ZNFX1: variants seen among roughly 807,000 people sequenced by gnomAD.
The protein encoded by ZNFX1 is zinc finger NFX1-type containing 1.
A neutral mutation model predicts 179.8 loss-of-function variants in ZNFX1; 78 were observed. The observed-to-expected ratio is 0.43, with a 90% CI of 0.36 to 0.52. ZNFX1 has a LOEUF of 0.52. Among genes scored for constraint, ZNFX1 ranks in the 20% least tolerant of loss-of-function variants. The pLI, the probability that ZNFX1 is intolerant of heterozygous loss-of-function variation, is 0.00. For missense variants in ZNFX1, 1,927 were observed against 2,386.6 expected, an observed-to-expected ratio of 0.81 and a Z score of 4.01; for synonymous variants, 848 against 868.5, an observed-to-expected ratio of 0.98 and a Z score of 0.42.
In ZNFX1 at chr20:49,247,503, A is replaced by T. The variant is rs374612254; in HGVS notation, c.5521T>A (p.Tyr1841Asn). 8 of 1,614,066 alleles carry T rather than the reference A, an allele frequency of 5.0e-6. No homozygotes were observed. The highest frequency in any genetic ancestry group is 1.3e-5 in the African/African-American group (1 of 74,922). Residue 1841 changes from tyrosine to asparagine, a missense_variant, in exon 14 of 14, where the codon TAT becomes AAT. Physicochemically the swap from Tyr to Asn is moderately radical, Grantham distance 143. Coordinates refer to ENST00000396105, the MANE Select transcript of ZNFX1 (RefSeq NM_021035.3). Reference protein sequence around the residue: ...ERVQIVSAIGYPRGHWFKCRN... With the variant: ...ERVQIVSAIGNPRGHWFKCRN... ...CACTTGAACCAGTGACCACGAGGAT[A>T]ACCTATGGCACTGACAATCTGCACT...
In ZNFX1 at chr20:49,266,356, T is replaced by C. The variant is rs238178; in HGVS notation, c.1871-90A>G. The C allele has an allele frequency of 3.7e-5, 46 of 1,233,548 alleles. No individual in the cohort carries two copies. The African/African-American group carries it at 5.4e-4, about 14-fold the overall frequency. The allele number at this position is 1,233,548 out of a possible 1,614,324, so 76.4% of individuals were successfully genotyped here. A position where few individuals can be genotyped will look rare whatever the true frequency, so the allele number is the denominator to read the frequency against. The stretch of plus-strand genomic sequence containing the variant: ...GCAAAATCTTTTTTTAAATTTAATA[T>C]AATACATTAAGATAGTTTAAAATCT... On this transcript the variant is annotated intron_variant, in intron 3 of 13. Coordinates refer to ENST00000396105, the MANE Select transcript of ZNFX1 (RefSeq NM_021035.3).
At position 49,245,962 on chromosome 20, in the gene ZNFX1, G is replaced by A. The variant is rs1980660149; in HGVS notation, c.*1305C>T. The A allele has an allele frequency of 6.6e-6, 1 of 152,584 alleles. No homozygotes were observed. The highest frequency in any genetic ancestry group is 6.6e-5 in the Admixed American group (1 of 15,262). The allele number at this position is 152,584 out of a possible 1,614,324, so 9.5% of individuals were successfully genotyped here. A position where few individuals can be genotyped will look rare whatever the true frequency, so the allele number is the denominator to read the frequency against. On this transcript the variant is annotated 3_prime_UTR_variant, in exon 14 of 14. Transcript: ENST00000396105. ...AAAGTGCATAGTAAAGACAAAAAAA[G>A]GAAATGCATACATAGGAAAGGGACA...
At chr20:49,268,915 C>T (rs1335291348) in intron 3 of ZNFX1, among the ~76,000 whole-genome samples, 1 of 152,180 alleles carries the variant, frequency 6.6e-6, no homozygotes, top group Non-Finnish European at 1.5e-5. Context: ...TGGGAATGTA[C>T]ATTAGTTCAG....
In ZNFX1 at chr20:49,252,814, T is replaced by C. The variant is rs1263547393; in HGVS notation, c.3122A>G (p.Asn1041Ser). 5 of 1,614,090 alleles carry C rather than the reference T, an allele frequency of 3.1e-6. No individual in the cohort carries two copies. Among genetic ancestry groups the C allele is most frequent in the East Asian group, 2.2e-5 (1 of 44,886 alleles). ...GAAGTTCTTGGCCAGATCATACACG[T>C]TGGCACTGGGGCGCAGCTGAGAAGA... is the stretch of plus-strand genomic sequence containing the variant. ...GDHQQLRPSA[N>S]VYDLAKNFNL... Residue 1041 changes from asparagine (N) to serine (S), a missense_variant, in exon 12 of 14, where the codon AAC becomes AGC. Physicochemically the swap from Asn to Ser is conservative, Grantham distance 46. Coordinates refer to ENST00000396105, the MANE Select transcript of ZNFX1 (RefSeq NM_021035.3).
chr20:49,276,322 C>T (rs543679125), intron 1 of ZNFX1, among the ~76,000 whole-genome samples: 1 of 152,308 alleles, frequency 6.6e-6, no homozygotes, highest in East Asian at 1.9e-4. Context: ...CCTTATCTGG[C>T]ATTTACATAT....
At chr20:49,252,091 C>G (rs1980853126) in intron 12 of ZNFX1, among the ~76,000 whole-genome samples, 1 of 151,854 alleles carries the variant, frequency 6.6e-6, no homozygotes, top group South Asian at 2.1e-4. Context: ...CCTTGGCCTC[C>G]CAAAGTGCTA....
chr20:49,266,305 TTTTCTAAATAAAG>T, intron 3 of ZNFX1, 39 bp from the exon 4 acceptor site: 1 of 1,552,928 alleles, frequency 6.4e-7, no homozygotes, highest in Non-Finnish European at 8.7e-7. Flanking sequence ...AATTTAGACA[TTTTCTAAATAAAG>T]TAATTACTCA....
chr20:49,249,300 G>A lies in ZNFX1; in HGVS notation c.3724C>T (p.Leu1242=). 6.2e-7 allele frequency: 1 copy of A among 1,614,246 alleles called. No homozygotes were observed. The highest frequency in any genetic ancestry group is 8.5e-7 in the Non-Finnish European group (1 of 1,180,046). ...AGTGTATGAATGATCTTGCTCCACA[G>A]GGGCACCTTGGCCAGCATCTGCATG... The part of the protein sequence containing the change: ...GNMQMLAKVP[L]WSKIIHTLRE... Residue 1242 remains leucine, a synonymous_variant, in exon 14 of 14, where the codon CTG becomes TTG. Coordinates refer to ENST00000396105, the MANE Select transcript of ZNFX1 (RefSeq NM_021035.3).
At position 49,248,337 on chromosome 20, in the gene ZNFX1, G is replaced by A. The variant is rs1323290606; in HGVS notation, c.4687C>T (p.Arg1563Trp). 5 of 1,614,042 alleles carry A rather than the reference G, an allele frequency of 3.1e-6. No individual in the cohort carries two copies. The highest frequency in any genetic ancestry group is 4.2e-6 in the Non-Finnish European group (5 of 1,179,952). ...LCGEPCPKKC[R>W]ICHMDEVTQI... ...GTGACCTCATCCATGTGGCAGATCC[G>A]GCATTTCTTGGGGCATGGCTCCCCA... The change falls in exon 14 of 14, where the codon CGG (arginine) becomes TGG (tryptophan). Residue 1563 changes from arginine to tryptophan, a missense_variant. Arg to Trp is a moderately radical substitution (Grantham distance 101). Transcript: ENST00000396105. This position sits in a 1 kb window ranked among gnomAD's most constrained non-coding sequence, Gnocchi z 4.6.
chr20:49,249,346 C>G lies in ZNFX1; in HGVS notation c.3678G>C (p.Lys1226Asn). 1 of 1,614,234 alleles carries G rather than the reference C, an allele frequency of 6.2e-7. No individual in the cohort carries two copies. Among genetic ancestry groups the G allele is most frequent in the Non-Finnish European group, 8.5e-7 (1 of 1,180,044 alleles). ...GCATGTTTCCGATGCAGTACATTCC[C>G]TTCTTGGCTCGGGACAAGGCCACAC... ...RICVALSRAKKGMYCIGNMQM... is the reference protein window; with the variant it reads ...RICVALSRAKNGMYCIGNMQM... Residue 1226 changes from lysine to asparagine, a missense_variant, in exon 14 of 14, where the codon AAG (lysine) becomes AAC (asparagine). By Grantham distance (94) the Lys-to-Asn change is moderately conservative (BLOSUM62 0). Transcript: ENST00000396105.
At chr20:49,269,866 A>T in intron 3 of ZNFX1, 76 bp downstream of exon 3, 1 of 1,464,158 alleles carries the variant, frequency 6.8e-7, no homozygotes, top group Non-Finnish European at 9.2e-7. Flanking sequence ...GACATTCTAG[A>T]AACCTAGAGT....
At chr20:49,267,884 T>TG (rs951361882) in intron 3 of ZNFX1, among the ~76,000 whole-genome samples, 2 of 151,760 alleles carry the variant, frequency 1.3e-5, no homozygotes, top group South Asian at 2.1e-4. Flanking sequence ...AGTTTTGTTT[T>TG]TTTTTTTGAG....
rs772397289 is a variant in ZNFX1 at position 49,271,127 on chromosome 20, T to TCAC, written c.684_685insGTG (p.Met228_Ile229insVal). ...CGGATGTCAGGGATGGGTTCAGTGA[T>TCAC]CATCCCTACCACATAAGCAGGCAGG... On this transcript the variant is annotated inframe_insertion, in exon 3 of 14. Transcript: ENST00000396105. The TCAC allele has an allele frequency of 6.2e-7, 1 of 1,614,156 alleles. No individual in the cohort carries two copies. The highest frequency in any genetic ancestry group is 8.5e-7 in the Non-Finnish European group (1 of 1,180,020).
chr20:49,250,989 G>A (rs1343535995), intron 13 of ZNFX1, among the ~76,000 whole-genome samples: 1 of 152,186 alleles, frequency 6.6e-6, no homozygotes, highest in Non-Finnish European at 1.5e-5. Flanking sequence ...GATTACAGGC[G>A]TAAGCCACCG....
chr20:49,247,313 G>T lies in ZNFX1; in HGVS notation c.5711C>A (p.Thr1904Lys). Residue 1904 changes from threonine (T) to lysine (K), a missense_variant, in exon 14 of 14, where the codon ACG becomes AAG. Physicochemically the swap from Thr to Lys is moderately conservative, Grantham distance 78. Coordinates refer to ENST00000396105, the MANE Select transcript of ZNFX1 (RefSeq NM_021035.3). Reference protein sequence around the residue: ...DGAQHAAWSDTANNLMNFEEI... With the variant: ...DGAQHAAWSDKANNLMNFEEI... ...CTCAAAGTTCATCAGGTTGTTGGCC[G>T]TGTCAGACCAGGCAGCATGCTGGGC... is the stretch of plus-strand genomic sequence containing the variant. The T allele has an allele frequency of 6.2e-7, 1 of 1,613,790 alleles. No individual in the cohort carries two copies. Among genetic ancestry groups the T allele is most frequent in the Non-Finnish European group, 8.5e-7 (1 of 1,179,802 alleles).
At position 49,248,972 on chromosome 20, in the gene ZNFX1, G is replaced by A. The variant is rs238209; in HGVS notation, c.4052C>T (p.Thr1351Ile). Residue 1351 changes from threonine (T) to isoleucine (I), a missense_variant, in exon 14 of 14, where the codon ACC becomes ATC. Coordinates refer to ENST00000396105, the MANE Select transcript of ZNFX1 (RefSeq NM_021035.3). This position sits in a 1 kb window ranked among gnomAD's most constrained non-coding sequence, Gnocchi z 4.6. The stretch of plus-strand genomic sequence containing the variant: ...TTGTTCATGGCCGCACCGAGGAATG[G>A]TTTTGGGCACCTTCACCTGACAAGG... ...CQPCQVKVPKTIPRCGHEQMV... is the reference protein window; with the variant it reads ...CQPCQVKVPKIIPRCGHEQMV... The A allele has an allele frequency of 0.74, 1,199,132 of 1,614,086 alleles. 450,520 individuals are homozygous for A. The highest frequency in any genetic ancestry group is 0.77 in the Non-Finnish European group (914,443 of 1,180,026).
At chr20:49,260,355 G>T in intron 7 of ZNFX1, 108 bp downstream of exon 7, 6 of 538,960 alleles carry the variant, frequency 1.1e-5, no homozygotes, top group Admixed American at 4.0e-5. Context: ...TTCTCTGATT[G>T]ACTCATAGCT....
intron 8 of ZNFX1, 33 bp from the exon 9 acceptor site, chr20:49,255,980 T>C (rs1420685811): frequency 1.2e-6 from 2 of 1,608,550 alleles, no homozygotes; most frequent in Non-Finnish European, 1.7e-6. Flanking sequence ...GGGTACTGTC[T>C]GAGCAGAGGC....
intron 6 of ZNFX1, among the ~76,000 whole-genome samples, chr20:49,261,500 G>T (rs1981109993): frequency 6.6e-6 from 1 of 152,152 alleles, no homozygotes; most frequent in South Asian, 2.1e-4. Flanking sequence ...TAAGTTAAAT[G>T]ATGAGAACAC....
Sources: gnomAD v4.1 joint callset for allele counts (sites outside exome capture counted in the v4.1 genomes callset) on GRCh38, gnomAD v4.1.1 for gene constraint, Gnocchi (gnomAD v3.1) non-coding constraint, MANE v1.5 for transcripts, NCBI Gene and HGNC (gene_info 2026-07-23, HGNC 2026-07-21) for gene names.